The following CUX2 variants were observed in gnomAD, a reference collection of about 807,000 sequenced individuals.
CUX2 encodes the protein homeobox protein cut-like 2.
A neutral mutation model predicts 144.8 loss-of-function variants in CUX2; 40 were observed. The observed-to-expected ratio is 0.28, with a 90% CI of 0.21 to 0.36. The LOEUF (loss-of-function observed/expected upper bound fraction) is 0.36, where lower values mean the gene tolerates loss of function less well. Among genes scored for constraint, CUX2 ranks in the 10% least tolerant of loss-of-function variants. The pLI is 1.00. For missense variants in CUX2, 1,615 were observed against 1,994.0 expected (o/e 0.81, Z 3.62); for synonymous variants, 827 against 875.6 (o/e 0.94, Z 0.98).
Position 111,256,612 on chromosome 12 carries a change from C to T in CUX2, c.223-7149C>T, listed in dbSNP as rs1348548351. Among the ~76,000 whole-genome samples the T allele has an allele frequency of 2.6e-5, 4 of 152,164 alleles. No homozygotes were observed. The South Asian group carries it at 6.2e-4, about 24-fold the overall frequency. ...GTTGTGCAGTCTCGATGGCAGGTCC[C>T]CCTTTTCATGCCCACAGCACTTGGA... On this transcript the variant is annotated intron_variant, in intron 3 of 21. Coordinates refer to ENST00000261726, the MANE Select transcript of CUX2 (RefSeq NM_015267.4).
intron 3 of CUX2, among the ~76,000 whole-genome samples, chr12:111,253,847 T>C (rs2136278463): frequency 6.6e-6 from 1 of 151,264 alleles, no homozygotes; most frequent in Middle Eastern, 3.4e-3. Context: ...AGATGGAGTC[T>C]CACTCTGTTT....
Position 111,293,624 on chromosome 12 carries a change from C to A in CUX2, c.560+55C>A. The A allele has an allele frequency of 3.9e-6, 6 of 1,536,634 alleles. No individual in the cohort carries two copies. Among genetic ancestry groups the A allele is most frequent in the Non-Finnish European group, 5.3e-6 (6 of 1,138,974 alleles). On this transcript the variant is annotated intron_variant, in intron 6 of 21. Transcript: ENST00000261726. This position sits in a 1 kb window ranked among gnomAD's most constrained non-coding sequence, Gnocchi z 4.5. ...GAAGGAATGGGCAGGGCTCCTGCTG[C>A]CCCACCTGGCTGGGTCGTGGACGGG...
At chr12:111,296,138 G>C (rs528687485) in intron 7 of CUX2, among the ~76,000 whole-genome samples, 1 of 152,162 alleles carries the variant, frequency 6.6e-6, no homozygotes, top group South Asian at 2.1e-4. Context: ...GGTGTTGGGG[G>C]GCTTATACCC....
chr12:111,132,319 C>T (rs1566242656), intron 1 of CUX2, among the ~76,000 whole-genome samples: 1 of 152,162 alleles, frequency 6.6e-6, no homozygotes, highest in East Asian at 1.9e-4. Flanking sequence ...ACCCTGGACC[C>T]AGCCCATGAA....
At chr12:111,060,481 G>A (rs985556248) in intron 1 of CUX2, among the ~76,000 whole-genome samples, 2 of 152,220 alleles carry the variant, frequency 1.3e-5, no homozygotes, top group African/African-American at 4.8e-5. Context: ...ATAATTGATT[G>A]GAGTTCCTTG....
chr12:111,112,318 TGCAAAGAAGC>T (rs1874025189), intron 1 of CUX2, among the ~76,000 whole-genome samples: 1 of 152,186 alleles, frequency 6.6e-6, no homozygotes, highest in African/African-American at 2.4e-5. Flanking sequence ...TGCCTCATAT[TGCAAAGAAGC>T]CGAACCTGGG....
intron 9 of CUX2, among the ~76,000 whole-genome samples, chr12:111,300,516 A>G (rs193175133): frequency 1.3e-4 from 20 of 152,354 alleles, no homozygotes; most frequent in African/African-American, 4.8e-4. Flanking sequence ...GTATCAGTAT[A>G]GAAAGCAGTT....
At chr12:111,161,973 C>T (rs754610898) in intron 1 of CUX2, among the ~76,000 whole-genome samples, 27 of 152,194 alleles carry the variant, frequency 1.8e-4, no homozygotes, top group Non-Finnish European at 2.9e-4. Flanking sequence ...TGGGCTCAAG[C>T]GATCCTCCTG....
At chr12:111,327,499 T>C (rs1887874928) in intron 18 of CUX2, among the ~76,000 whole-genome samples, 1 of 152,208 alleles carries the variant, frequency 6.6e-6, no homozygotes, top group African/African-American at 2.4e-5. Context: ...TATCTCCCAT[T>C]TGTTGACGCT....
At chr12:111,176,253 C>T (rs1878852803) in intron 1 of CUX2, among the ~76,000 whole-genome samples, 1 of 151,554 alleles carries the variant, frequency 6.6e-6, no homozygotes, top group Admixed American at 6.6e-5. Flanking sequence ...CACTATATTG[C>T]CCAGGCTGGT....
intron 1 of CUX2, among the ~76,000 whole-genome samples, chr12:111,075,166 C>T (rs1871460868): frequency 6.6e-6 from 1 of 150,634 alleles, no homozygotes; most frequent in African/African-American, 2.4e-5. Context: ...GAGGGCAGAT[C>T]TGATTTCTGT....
chr12:111,201,846 A>G (rs1242478136), intron 1 of CUX2, among the ~76,000 whole-genome samples: 2 of 152,228 alleles, frequency 1.3e-5, no homozygotes, highest in African/African-American at 2.4e-5. Flanking sequence ...TTCAGAGAGG[A>G]TGCAGTGGTT....
At chr12:111,265,633 G>A (rs181218251) in intron 4 of CUX2, among the ~76,000 whole-genome samples, 32 of 152,082 alleles carry the variant, frequency 2.1e-4, no homozygotes, top group African/African-American at 7.5e-4. Flanking sequence ...GTGAGCCACC[G>A]CACCCGGCCA....
At chr12:111,064,372 T>A (rs1870936356) in intron 1 of CUX2, among the ~76,000 whole-genome samples, 1 of 152,164 alleles carries the variant, frequency 6.6e-6, no homozygotes, top group Admixed American at 6.5e-5. Flanking sequence ...ATAAAATAAC[T>A]TCCTCGTAGG....
intron 3 of CUX2, among the ~76,000 whole-genome samples, chr12:111,221,832 G>A (rs1048441823): frequency 6.6e-6 from 1 of 151,860 alleles, no homozygotes; most frequent in African/African-American, 2.4e-5. Context: ...GGGAGGGGGT[G>A]GAGAGGAAGT....
chr12:111,331,325 A>T (rs1003729166), intron 18 of CUX2, among the ~76,000 whole-genome samples: 15 of 152,152 alleles, frequency 9.9e-5, no homozygotes, highest in African/African-American at 3.6e-4. Flanking sequence ...TCCAGCTGTC[A>T]TACATTTTAA....
chr12:111,258,278 C>T (rs1271350195), intron 3 of CUX2, among the ~76,000 whole-genome samples: 2 of 152,142 alleles, frequency 1.3e-5, no homozygotes, highest in African/African-American at 2.4e-5. Context: ...CTTGGGAGGC[C>T]AAGGCGGGCG....
At chr12:111,309,097 G>A (rs968875699) in intron 14 of CUX2, among the ~76,000 whole-genome samples, 2 of 152,216 alleles carry the variant, frequency 1.3e-5, no homozygotes, top group South Asian at 4.1e-4. Context: ...CAGAGATGGG[G>A]TTTCATCACA....
chr12:111,344,408 T>C (rs1251457424), intron 21 of CUX2, among the ~76,000 whole-genome samples: 2 of 152,182 alleles, frequency 1.3e-5, no homozygotes, highest in African/African-American at 2.4e-5. Flanking sequence ...ACAGAAGTGG[T>C]ATTTGAGATG....
Sources: allele counts gnomAD v4.1 joint callset (sites outside exome capture counted in the v4.1 genomes callset), GRCh38; gene constraint gnomAD v4.1.1; non-coding constraint Gnocchi (gnomAD v3.1); transcripts MANE v1.5; gene names NCBI Gene and HGNC (gene_info 2026-07-23, HGNC 2026-07-21).